Variants in CCDC68 observed in about 807,000 individuals in gnomAD.
The protein encoded by CCDC68 is coiled-coil domain-containing protein 68.
A neutral mutation model predicts 47.1 loss-of-function variants in CCDC68; 45 were observed. That is an observed-to-expected ratio of 0.96 (90% CI 0.75 to 1.23). CCDC68 has a LOEUF of 1.23. Ranked by LOEUF, CCDC68 falls within the 50% of genes most tolerant of loss-of-function variation. The pLI, the probability that CCDC68 is intolerant of heterozygous loss-of-function variation, is 0.00. For missense variants in CCDC68, 353 were observed against 373.6 expected (o/e 0.94, Z 0.45); for synonymous variants, 131 against 129.5 (o/e 1.01, Z -0.08).
chr18:54,909,662 T>G (rs1046385293), intron 10 of CCDC68, among the ~76,000 whole-genome samples: 2 of 152,198 alleles, frequency 1.3e-5, no homozygotes, highest in African/African-American at 4.8e-5. Context: ...CCACTGTGTA[T>G]AGTCAAACAT....
intron 1 of CCDC68, among the ~76,000 whole-genome samples, chr18:54,951,009 C>T (rs980993437): frequency 7.1e-6 from 1 of 140,660 alleles, no homozygotes; most frequent in African/African-American, 2.6e-5. Context: ...CCCGGGTTCA[C>T]GCCATTCTCC....
chr18:54,914,064 G>T (rs2145395568), intron 10 of CCDC68, among the ~76,000 whole-genome samples: 1 of 152,236 alleles, frequency 6.6e-6, no homozygotes, highest in Admixed American at 6.5e-5. Context: ...TAAGTAAGAT[G>T]AAATCAGGGA....
chr18:54,920,997 T>C (rs541864990), intron 8 of CCDC68, among the ~76,000 whole-genome samples: 18 of 152,314 alleles, frequency 1.2e-4, no homozygotes, highest in African/African-American at 3.8e-4. Context: ...ATATACACCA[T>C]GGAATACTAT....
intron 8 of CCDC68, 74 bp downstream of exon 8, chr18:54,928,726 G>T: frequency 1.1e-6 from 1 of 920,118 alleles, no homozygotes; most frequent in Non-Finnish European, 1.8e-6. Flanking sequence ...AAGGTCTTCT[G>T]TTCCCTGGCT....
intron 7 of CCDC68, among the ~76,000 whole-genome samples, chr18:54,931,333 A>G (rs1013849648): frequency 6.6e-6 from 1 of 152,212 alleles, no homozygotes. Flanking sequence ...GGGAGTTCAC[A>G]GCACCACACA....
At chr18:54,931,169 G>A (rs138541084) in intron 7 of CCDC68, among the ~76,000 whole-genome samples, 283 of 152,216 alleles carry the variant, frequency 1.9e-3, no homozygotes, top group African/African-American at 6.5e-3. Context: ...TCATAAACAG[G>A]GGTCAAGGGG....
Position 54,945,910 on chromosome 18 carries a change from G to A in CCDC68, c.-102-433C>T, listed in dbSNP as rs376723372. Among the ~76,000 whole-genome samples the A allele has an allele frequency of 1.4e-4, 22 of 152,322 alleles. No individual in the cohort carries two copies. The East Asian group carries it at 3.7e-3, about 25-fold the overall frequency. On this transcript the variant is annotated intron_variant, in intron 1 of 11. Coordinates refer to ENST00000591504, the MANE Select transcript of CCDC68 (RefSeq NM_025214.3). ...ATATGCAGTGTGCTTGGAAGCCAGA[G>A]AGAGGATGGTCAGGCCAGGGTAGGG... is the stretch of plus-strand genomic sequence containing the variant.
At chr18:54,952,470 G>C (rs1459524979) in intron 1 of CCDC68, among the ~76,000 whole-genome samples, 1 of 152,200 alleles carries the variant, frequency 6.6e-6, no homozygotes, top group Non-Finnish European at 1.5e-5. Flanking sequence ...GTTCTGGTGA[G>C]GATGTGGAAC....
intron 8 of CCDC68, among the ~76,000 whole-genome samples, chr18:54,923,702 G>A (rs1293181146): frequency 6.7e-6 from 1 of 149,542 alleles, no homozygotes; most frequent in Non-Finnish European, 1.5e-5. Context: ...TTATCTTTCT[G>A]TTAAAGCACT....
intron 10 of CCDC68, among the ~76,000 whole-genome samples, chr18:54,911,562 C>A (rs1914368459): frequency 6.6e-6 from 1 of 152,108 alleles, no homozygotes; most frequent in South Asian, 2.1e-4. Flanking sequence ...CAGATTTCAT[C>A]AATTGATGGT....
intron 9 of CCDC68, among the ~76,000 whole-genome samples, 157 bp downstream of exon 9, chr18:54,919,114 G>A (rs1296316044): frequency 6.6e-6 from 1 of 152,136 alleles, no homozygotes; most frequent in Non-Finnish European, 1.5e-5. Flanking sequence ...ACAAGAGAGG[G>A]CATTGAAAAC....
At chr18:54,953,373 A>G (rs1032042514) in intron 1 of CCDC68, among the ~76,000 whole-genome samples, 1 of 152,224 alleles carries the variant, frequency 6.6e-6, no homozygotes, top group Non-Finnish European at 1.5e-5. Flanking sequence ...AAAAAAAGCA[A>G]TGCACAACTG....
rs529436785 is a variant in CCDC68 at position 54,942,511 on chromosome 18, G to A, written c.117+164C>T. 3.9e-5 allele frequency among the ~76,000 whole-genome samples: 6 copies of A among 152,286 alleles called. No individual in the cohort carries two copies. The South Asian group carries it at 1.2e-3, about 32-fold the overall frequency. On this transcript the variant is annotated intron_variant, in intron 3 of 11. Transcript: ENST00000591504. Reference sequence around the variant, plus strand: ...ACAGTTTCGTATCCTCAAGAGAAATGACTAAACATGGGTTTAAACTTCAGC... The same window carrying A: ...ACAGTTTCGTATCCTCAAGAGAAATAACTAAACATGGGTTTAAACTTCAGC...
In CCDC68 at chr18:54,941,029, G is replaced by A. The variant is rs1179777925; in HGVS notation, c.172C>T (p.His58Tyr). 6.2e-7 allele frequency: 1 copy of A among 1,611,820 alleles called. No homozygotes were observed. The highest frequency in any genetic ancestry group is 1.7e-5 in the Admixed American group (1 of 59,964). The change falls in exon 4 of 12, where the codon CAT becomes TAT. Residue 58 changes from histidine to tyrosine, a missense_variant. His to Tyr is a moderately conservative substitution (Grantham distance 83, BLOSUM62 2). Coordinates refer to ENST00000591504, the MANE Select transcript of CCDC68 (RefSeq NM_025214.3). ...TCTAGTTTGTGATTTGTACTGTCAT[G>A]TCTTATTTCATCTTTAAACATCTGG... ...RTQMFKDEIR[H>Y]DSTNHKLDAK...
At chr18:54,940,905 C>A (rs1386056983) in intron 4 of CCDC68, 92 bp downstream of exon 4, 7 of 825,470 alleles carry the variant, frequency 8.5e-6, no homozygotes, top group Non-Finnish European at 6.0e-6. Flanking sequence ...CAACACTCAT[C>A]CTTCGAATCT....
chr18:54,910,953 C>G (rs910769264), intron 10 of CCDC68, among the ~76,000 whole-genome samples: 3 of 152,330 alleles, frequency 2.0e-5, no homozygotes, highest in Admixed American at 2.0e-4. Flanking sequence ...AGTGCAGGGA[C>G]TCCTGAGTCT....
rs1019750809 is a variant in CCDC68 at position 54,944,069 on chromosome 18, C to G, written c.-12-1266G>C. 3.9e-5 allele frequency among the ~76,000 whole-genome samples: 6 copies of G among 152,128 alleles called. No homozygotes were observed. In the South Asian group the frequency reaches 8.3e-4, roughly 21 times the overall value. On this transcript the variant is annotated intron_variant, in intron 2 of 11. Transcript: ENST00000591504. ...TCGGGAGGCTGAAGCACAAGAATCA[C>G]TTGAACCCAGGAGGTACAAAATAAT...
intron 11 of CCDC68, among the ~76,000 whole-genome samples, chr18:54,906,845 C>T (rs1039905928): frequency 2.6e-5 from 4 of 152,162 alleles, no homozygotes; most frequent in Non-Finnish European, 2.9e-5. Flanking sequence ...TTTTAGAGGA[C>T]TTGAATCATA....
At chr18:54,916,776 C>G (rs1236110283) in intron 10 of CCDC68, among the ~76,000 whole-genome samples, 1 of 152,202 alleles carries the variant, frequency 6.6e-6, no homozygotes, top group Admixed American at 6.5e-5. Context: ...TCTGTGTCCT[C>G]ACCCAAATCT....
Sources: gnomAD v4.1 joint callset for allele counts (sites outside exome capture counted in the v4.1 genomes callset) on GRCh38, gnomAD v4.1.1 for gene constraint, MANE v1.5 for transcripts, NCBI Gene and HGNC (gene_info 2026-07-23, HGNC 2026-07-21) for gene names.